BTG4: variants seen among roughly 807,000 people sequenced by gnomAD.
BTG4 encodes BTG anti-proliferation factor 4.
In BTG4, 10 loss-of-function variants were observed where a neutral mutation model predicts 19.3. The observed-to-expected ratio is 0.52, with a 90% CI of 0.32 to 0.88. The LOEUF (loss-of-function observed/expected upper bound fraction) is 0.88, where lower values mean the gene tolerates loss of function less well. Among genes scored for constraint, BTG4 ranks in the 40% least tolerant of loss-of-function variants. The pLI, the probability that BTG4 is intolerant of heterozygous loss-of-function variation, is 0.04. For synonymous variants in BTG4, 91 were observed against 95.7 expected (o/e 0.95, Z 0.29); for missense variants, 238 against 281.9 (o/e 0.84, Z 1.11).
chr11:111,450,429 T>C, the BTG4 span: 1 of 152,604 alleles, frequency 6.6e-6, no homozygotes, highest in South Asian at 2.1e-4. Flanking sequence ...TCCCCCTCTA[T>C]GTGGTCAAGA....
At chr11:111,441,994 G>A in the BTG4 span, among the ~76,000 whole-genome samples, 64 of 152,132 alleles carry the variant, frequency 4.2e-4, 1 homozygote, top group Admixed American at 2.7e-3. Context: ...GGGAGGAGGA[G>A]GTTGCAGTGA....
chr11:111,391,845 GTC>G, the BTG4 span, among the ~76,000 whole-genome samples: 1 of 152,126 alleles, frequency 6.6e-6, no homozygotes, highest in Non-Finnish European at 1.5e-5. Flanking sequence ...GTTAGAGAGA[GTC>G]TTTCTAACAA....
intron 5 of BTG4, among the ~76,000 whole-genome samples, chr11:111,480,973 G>GA (rs1185786407): frequency 2.0e-5 from 3 of 151,240 alleles, no homozygotes; most frequent in Middle Eastern, 3.4e-3. Flanking sequence ...CAAAACAATA[G>GA]AAAAAAACAC....
At chr11:111,428,903 C>T in the BTG4 span, among the ~76,000 whole-genome samples, 1 of 152,142 alleles carries the variant, frequency 6.6e-6, no homozygotes, top group South Asian at 2.1e-4. Flanking sequence ...AGTGATAGAC[C>T]GCTAGCTAAA....
upstream of BTG4, chr11:111,513,325 T>A (rs1867085283): frequency 4.0e-6 from 2 of 504,940 alleles, no homozygotes; most frequent in Admixed American, 2.1e-5. Flanking sequence ...TTTGCCATCG[T>A]CTAGTAGAGT....
chr11:111,498,144 A>G lies in BTG4; in HGVS notation c.174-9T>C, dbSNP rs757970724. ...TGTTTATCCTGATGCACCTTTTTAA[A>G]AAGCGAAGGGAAACGAAGACATGAT... On this transcript the variant is annotated splice_polypyrimidine_tract_variant and intron_variant, in intron 2 of 4. Coordinates refer to ENST00000692032, the MANE Select transcript of BTG4 (RefSeq NM_001367975.1). The G allele has an allele frequency of 1.1e-5, 17 of 1,613,580 alleles. No homozygotes were observed. The highest frequency in any genetic ancestry group is 1.4e-5 in the Non-Finnish European group (16 of 1,179,904).
At chr11:111,487,039 G>T (rs1445553577) in intron 5 of BTG4, among the ~76,000 whole-genome samples, 1 of 151,670 alleles carries the variant, frequency 6.6e-6, no homozygotes, top group East Asian at 1.9e-4. Context: ...TGTTCTCATT[G>T]TTCAGCTCCA....
At chr11:111,429,177 C>G in the BTG4 span, among the ~76,000 whole-genome samples, 1 of 152,138 alleles carries the variant, frequency 6.6e-6, no homozygotes, top group Non-Finnish European at 1.5e-5. Flanking sequence ...ATACCCAGTA[C>G]CCAAGAAACA....
At chr11:111,429,659 G>T in the BTG4 span, among the ~76,000 whole-genome samples, 1 of 152,170 alleles carries the variant, frequency 6.6e-6, no homozygotes, top group African/African-American at 2.4e-5. Flanking sequence ...ATACAAAAAG[G>T]TAGTAAACTC....
At chr11:111,384,309 C>T in the BTG4 span, among the ~76,000 whole-genome samples, 1 of 150,656 alleles carries the variant, frequency 6.6e-6, no homozygotes, top group East Asian at 1.9e-4. Context: ...TGACAAATTC[C>T]TAAAATTAAA....
chr11:111,416,395 C>T, the BTG4 span: 6 of 152,162 alleles, frequency 3.9e-5, no homozygotes, highest in Admixed American at 2.0e-4. Flanking sequence ...ACATTCAATC[C>T]TAGGTAGGTG....
the BTG4 span, among the ~76,000 whole-genome samples, chr11:111,405,049 T>G: frequency 1.3e-5 from 2 of 152,224 alleles, no homozygotes; most frequent in African/African-American, 4.8e-5. Flanking sequence ...GTTTGTAGTC[T>G]GATTTCTGGA....
the BTG4 span, chr11:111,451,545 C>A: frequency 8.7e-6 from 3 of 344,268 alleles, no homozygotes; most frequent in Middle Eastern, 3.9e-4. Context: ...GAGGGCAGAT[C>A]ACCTGGGTCG....
the BTG4 span, chr11:111,401,061 A>AC: frequency 3.5e-5 from 5 of 144,168 alleles, no homozygotes; most frequent in Admixed American, 1.4e-4. Context: ...CATAAAAAAA[A>AC]AAAAAAAAAA....
chr11:111,470,451 A>C (rs1452512578), intron 5 of BTG4, among the ~76,000 whole-genome samples: 1 of 152,190 alleles, frequency 6.6e-6, no homozygotes, highest in African/African-American at 2.4e-5. Flanking sequence ...TGAGGAGTAC[A>C]AATGTGGGCT....
chr11:111,502,652 T>C (rs1866173582), intron 1 of BTG4, among the ~76,000 whole-genome samples: 1 of 152,218 alleles, frequency 6.6e-6, no homozygotes, highest in Non-Finnish European at 1.5e-5. Context: ...TTTTTTTTCT[T>C]TTCAAATGGT....
At chr11:111,475,548 T>A (rs985887135) in intron 5 of BTG4, among the ~76,000 whole-genome samples, 2 of 152,098 alleles carry the variant, frequency 1.3e-5, no homozygotes, top group Non-Finnish European at 2.9e-5. Context: ...GAGGCCCTGG[T>A]TGAAACACCA....
At chr11:111,428,636 AG>A in the BTG4 span, among the ~76,000 whole-genome samples, 1 of 152,200 alleles carries the variant, frequency 6.6e-6, no homozygotes, top group African/African-American at 2.4e-5. Context: ...TAGGACACAA[AG>A]CTCAATGTTA....
the BTG4 span, among the ~76,000 whole-genome samples, chr11:111,410,744 A>C: frequency 6.6e-6 from 1 of 152,182 alleles, no homozygotes; most frequent in Non-Finnish European, 1.5e-5. Context: ...ATGCATCCTC[A>C]ACCTGTCTAC....
Sources: gnomAD v4.1 joint callset for allele counts (sites outside exome capture counted in the v4.1 genomes callset) on GRCh38, gnomAD v4.1.1 for gene constraint, MANE v1.5 for transcripts, NCBI Gene and HGNC (gene_info 2026-07-23, HGNC 2026-07-21) for gene names.